CACNA2D1: variants seen among roughly 807,000 people sequenced by gnomAD.
CACNA2D1 encodes the protein voltage-dependent calcium channel subunit alpha-2/delta-1.
CACNA2D1 carries 53 observed loss-of-function variants against 171.5 expected under a neutral mutation model. The observed-to-expected ratio is 0.31, with a 90% CI of 0.25 to 0.39. The LOEUF is 0.39. CACNA2D1 is among the 10% of genes least tolerant of loss of function. The pLI is 1.00. For missense variants in CACNA2D1, 903 were observed against 1,299.8 expected (o/e 0.69, Z 4.69); for synonymous variants, 442 against 443.1 (o/e 1.00, Z 0.03).
At chr7:82,227,580 T>C (rs1802490119) in intron 3 of CACNA2D1, among the ~76,000 whole-genome samples, 2 of 152,200 alleles carry the variant, frequency 1.3e-5, no homozygotes, top group South Asian at 4.1e-4. Flanking sequence ...GGGAAATTCC[T>C]TGGACTAACA....
At chr7:82,204,859 T>C (rs945412014) in intron 3 of CACNA2D1, among the ~76,000 whole-genome samples, 2 of 152,136 alleles carry the variant, frequency 1.3e-5, no homozygotes, top group East Asian at 1.9e-4. Flanking sequence ...TGGTCAAGAA[T>C]AGGCCAAGGC....
rs140378162 is a variant in CACNA2D1, at chr7:82,215,714, CTT to C, written c.295-45107_295-45106del. Among the ~76,000 whole-genome samples the C allele has an allele frequency of 7.5e-3, 1,136 of 152,056 alleles. 21 individuals are homozygous for C. In the East Asian group the frequency reaches 0.08, roughly 11 times the overall value. On this transcript the variant is annotated intron_variant, in intron 3 of 38. Transcript: ENST00000356860. Reference sequence around the variant, plus strand: ...CTTCTTTAAAATTCAATGCCATAGTCTTTTAATTGTTTCATATTTCTTATTGA... The same window carrying C: ...CTTCTTTAAAATTCAATGCCATAGTCTTAATTGTTTCATATTTCTTATTGA...
At chr7:82,263,454 C>T (rs956096659) in intron 3 of CACNA2D1, among the ~76,000 whole-genome samples, 50 of 152,038 alleles carry the variant, frequency 3.3e-4, no homozygotes, top group African/African-American at 1.2e-3. Flanking sequence ...CTCTTATTAA[C>T]CTGTCTTGTT....
intron 19 of CACNA2D1, among the ~76,000 whole-genome samples, chr7:81,995,467 T>C (rs1170855623): frequency 2.0e-5 from 3 of 151,934 alleles, no homozygotes; most frequent in Admixed American, 6.6e-5. Context: ...AATAATAGAG[T>C]TGAGTCTCCT....
intron 10 of CACNA2D1, among the ~76,000 whole-genome samples, chr7:82,039,759 T>G (rs1272760982): frequency 6.6e-6 from 1 of 152,074 alleles, no homozygotes; most frequent in East Asian, 1.9e-4. Context: ...GGAAGAACAT[T>G]CCAAGCAAAC....
chr7:82,129,486 A>C (rs1790710251), intron 5 of CACNA2D1, among the ~76,000 whole-genome samples: 1 of 152,132 alleles, frequency 6.6e-6, no homozygotes, highest in South Asian at 2.1e-4. Flanking sequence ...TCTCAAACTT[A>C]TTCTGAGGAT....
intron 21 of CACNA2D1, among the ~76,000 whole-genome samples, chr7:81,988,537 C>T (rs2130713248): frequency 6.6e-6 from 1 of 152,180 alleles, no homozygotes; most frequent in East Asian, 1.9e-4. Flanking sequence ...TGTGTATGTT[C>T]TGGGGAGTTG....
At chr7:82,437,886 T>A (rs2129459625) in intron 1 of CACNA2D1, among the ~76,000 whole-genome samples, 1 of 152,278 alleles carries the variant, frequency 6.6e-6, no homozygotes, top group Non-Finnish European at 1.5e-5. Flanking sequence ...ATTCCTAAAA[T>A]ATCACACCAC....
chr7:82,346,460 C>T (rs1052687212), intron 2 of CACNA2D1, among the ~76,000 whole-genome samples: 2 of 151,936 alleles, frequency 1.3e-5, no homozygotes, highest in African/African-American at 4.8e-5. Context: ...GGTATAATAG[C>T]CTTAGGGATT....
At chr7:82,099,450 TTTTTTTTTTTTTTTTTTG>T (rs1812386289) in intron 6 of CACNA2D1, among the ~76,000 whole-genome samples, 1 of 22,126 alleles carries the variant, frequency 4.5e-5, no homozygotes, top group Non-Finnish European at 1.1e-4. Flanking sequence ...TTTTTTTTTT[TTTTTTTTTTTTTTTTTTG>T]AGACGGAGTC....
intron 6 of CACNA2D1, among the ~76,000 whole-genome samples, chr7:82,097,843 G>A (rs1812085230): frequency 6.6e-6 from 1 of 152,180 alleles, no homozygotes; most frequent in Non-Finnish European, 1.5e-5. Flanking sequence ...GACAGGTCCA[G>A]TAGCTCACGC....
intron 3 of CACNA2D1, among the ~76,000 whole-genome samples, chr7:82,189,613 G>T (rs1798096604): frequency 6.6e-6 from 1 of 151,700 alleles, no homozygotes; most frequent in Non-Finnish European, 1.5e-5. Flanking sequence ...GAGAATAGAA[G>T]AATTATTTTA....
At chr7:82,401,884 G>A (rs1288205052) in intron 1 of CACNA2D1, among the ~76,000 whole-genome samples, 2 of 152,056 alleles carry the variant, frequency 1.3e-5, no homozygotes, top group Non-Finnish European at 2.9e-5. Context: ...AAACCATATA[G>A]TGTTTAGTAT....
intron 21 of CACNA2D1, among the ~76,000 whole-genome samples, chr7:81,990,801 A>T (rs1464576057): frequency 6.6e-6 from 1 of 152,122 alleles, no homozygotes; most frequent in Admixed American, 6.5e-5. Flanking sequence ...TATCAACTAA[A>T]CATGTTATAT....
chr7:82,288,073 C>G (rs1027673922), intron 3 of CACNA2D1, among the ~76,000 whole-genome samples: 23 of 151,442 alleles, frequency 1.5e-4, no homozygotes, highest in Non-Finnish European at 7.4e-5. Flanking sequence ...ATCTCCTGAC[C>G]TCGTGATCTG....
At chr7:82,237,415 T>A (rs1205944147) in intron 3 of CACNA2D1, among the ~76,000 whole-genome samples, 1 of 151,916 alleles carries the variant, frequency 6.6e-6, no homozygotes, top group Non-Finnish European at 1.5e-5. Context: ...AGATATATAC[T>A]TATATCATGT....
intron 3 of CACNA2D1, among the ~76,000 whole-genome samples, chr7:82,215,534 T>C (rs1355507988): frequency 6.6e-6 from 1 of 152,168 alleles, no homozygotes; most frequent in Non-Finnish European, 1.5e-5. Context: ...ACTTGAAATA[T>C]GATTTAGCAA....
intron 3 of CACNA2D1, among the ~76,000 whole-genome samples, chr7:82,270,472 G>C (rs148006382): frequency 2.6e-5 from 4 of 151,880 alleles, no homozygotes; most frequent in African/African-American, 9.7e-5. Context: ...TATACACCTC[G>C]GTTTATTTAT....
intron 38 of CACNA2D1, among the ~76,000 whole-genome samples, chr7:81,954,337 C>A (rs961319416): frequency 5.3e-5 from 8 of 151,680 alleles, no homozygotes; most frequent in Non-Finnish European, 8.8e-5. Context: ...TATGATAAAA[C>A]TAATTTTATT....
Sources: gnomAD v4.1 joint callset for allele counts (sites outside exome capture counted in the v4.1 genomes callset) on GRCh38, gnomAD v4.1.1 for gene constraint, MANE v1.5 for transcripts, NCBI Gene and HGNC (gene_info 2026-07-23, HGNC 2026-07-21) for gene names.